Variants in ACVR2A observed in about 807,000 individuals in gnomAD.
ACVR2A encodes activin A receptor type 2A.
ACVR2A carries 7 observed loss-of-function variants against 61.4 expected under a neutral mutation model. That is an observed-to-expected ratio of 0.11 (90% CI 0.06 to 0.21). The LOEUF (loss-of-function observed/expected upper bound fraction) is 0.21. Ranked by LOEUF, ACVR2A falls within the 10% of genes least tolerant of loss-of-function variation. The probability of loss-of-function intolerance (pLI) is 1.00; values close to 1 mark genes in which losing one functional copy is unlikely to be tolerated. For missense variants in ACVR2A, 322 were observed against 621.7 expected, an observed-to-expected ratio of 0.52 and a Z score of 5.13; for synonymous variants, 193 against 208.3, an observed-to-expected ratio of 0.93 and a Z score of 0.63.
chr2:147,891,047 C>CT (rs1436641079), intron 1 of ACVR2A, among the ~76,000 whole-genome samples: 1 of 152,014 alleles, frequency 6.6e-6, no homozygotes. Flanking sequence ...CTTTGTTTAT[C>CT]TTTTTTCTAG....
chr2:147,870,914 C>T (rs1259657626), intron 1 of ACVR2A, among the ~76,000 whole-genome samples: 1 of 151,514 alleles, frequency 6.6e-6, no homozygotes, highest in Non-Finnish European at 1.5e-5. Context: ...TTTAATTAAT[C>T]TTTTTTATTC....
At chr2:147,920,583 TGA>T (rs1687355849) in intron 8 of ACVR2A, among the ~76,000 whole-genome samples, 1 of 152,160 alleles carries the variant, frequency 6.6e-6, no homozygotes, top group Non-Finnish European at 1.5e-5. Context: ...TTTGAAAAAT[TGA>T]TCAAAGAATA....
At chr2:147,891,588 GAAT>G (rs1388658625) in intron 1 of ACVR2A, among the ~76,000 whole-genome samples, 1 of 151,078 alleles carries the variant, frequency 6.6e-6, no homozygotes, top group Admixed American at 6.6e-5. Flanking sequence ...TCCAAAAAAA[GAAT>G]AATATTTTGT....
At chr2:147,890,572 C>G (rs975964479) in intron 1 of ACVR2A, among the ~76,000 whole-genome samples, 1 of 152,092 alleles carries the variant, frequency 6.6e-6, no homozygotes. Context: ...GTACTAAACC[C>G]TGCACGCAAA....
At chr2:147,897,261 G>A (rs1195400228) in intron 2 of ACVR2A, 1 of 152,146 alleles carries the variant, frequency 6.6e-6, no homozygotes, top group Non-Finnish European at 1.5e-5. Flanking sequence ...GCCTACCTCA[G>A]CCTCCCAAAG....
intron 7 of ACVR2A, among the ~76,000 whole-genome samples, chr2:147,919,664 C>T (rs1223196125): frequency 6.6e-6 from 1 of 151,986 alleles, no homozygotes; most frequent in African/African-American, 2.4e-5. Context: ...AAACTGTTAC[C>T]CTTTTCAGAA....
chr2:147,851,006 T>C (rs1433171344), intron 1 of ACVR2A, among the ~76,000 whole-genome samples: 1 of 152,154 alleles, frequency 6.6e-6, no homozygotes, highest in African/African-American at 2.4e-5. Context: ...GTGCTGCCAG[T>C]ATCTAGCTTA....
chr2:147,844,931 C>T (rs1249052831), upstream of ACVR2A: 22 of 475,534 alleles, frequency 4.6e-5, no homozygotes, highest in Non-Finnish European at 7.2e-5. Flanking sequence ...GGCGGTTTTT[C>T]CCCCGTGGTG....
chr2:147,901,017 A>G (rs1686860635), intron 4 of ACVR2A, among the ~76,000 whole-genome samples: 1 of 152,062 alleles, frequency 6.6e-6, no homozygotes, highest in Non-Finnish European at 1.5e-5. Flanking sequence ...AAGGTAAAAT[A>G]CCATGTTCGG....
intron 5 of ACVR2A, among the ~76,000 whole-genome samples, chr2:147,916,949 C>A (rs968455674): frequency 6.6e-6 from 1 of 151,900 alleles, no homozygotes; most frequent in Non-Finnish European, 1.5e-5. Flanking sequence ...CCACAAGTAA[C>A]TTCACACCAT....
chr2:147,911,636 TTTG>T (rs998683804), intron 4 of ACVR2A, among the ~76,000 whole-genome samples: 11 of 152,070 alleles, frequency 7.2e-5, no homozygotes, highest in African/African-American at 2.2e-4. Flanking sequence ...TTCTTAGATT[TTTG>T]TTGTTGTTAC....
chr2:147,915,992 G>A (rs1315366468), intron 5 of ACVR2A, among the ~76,000 whole-genome samples: 2 of 151,828 alleles, frequency 1.3e-5, no homozygotes, highest in Non-Finnish European at 2.9e-5. Context: ...GGCAGCTCAT[G>A]ATACCCTTGG....
Position 147,923,124 on chromosome 2 carries a change from A to C in ACVR2A, c.1216+13A>C, listed in dbSNP as rs756325817. On this transcript the variant is annotated intron_variant, in intron 9 of 10. Transcript: ENST00000241416. ...ACTGCTGCAGATGGTAAGGGAAAAA[A>C]ATATTTTTAAAAAAGATATATATGC... 5.0e-6 allele frequency: 8 copies of C among 1,600,554 alleles called. No individual in the cohort carries two copies. The highest frequency in any genetic ancestry group is 6.8e-6 in the Non-Finnish European group (8 of 1,175,384).
At chr2:147,877,446 C>T (rs1328953178) in intron 1 of ACVR2A, 1 of 152,082 alleles carries the variant, frequency 6.6e-6, no homozygotes, top group African/African-American at 2.4e-5. Flanking sequence ...AGCACATATA[C>T]TAATATCGGA....
intron 1 of ACVR2A, among the ~76,000 whole-genome samples, chr2:147,889,819 A>AT (rs899365184): frequency 2.0e-4 from 30 of 147,544 alleles, no homozygotes; most frequent in Non-Finnish European, 2.7e-4. Context: ...GTGTATTGCT[A>AT]TTTTTTTTTT....
intron 1 of ACVR2A, among the ~76,000 whole-genome samples, chr2:147,850,662 A>G (rs1685419617): frequency 2.2e-5 from 3 of 137,708 alleles, no homozygotes; most frequent in African/African-American, 7.6e-5. Context: ...ATTGATTTCA[A>G]ATTGACTATT....
chr2:147,845,635 A>T (rs1188550535), intron 1 of ACVR2A, among the ~76,000 whole-genome samples: 1 of 152,196 alleles, frequency 6.6e-6, no homozygotes, highest in African/African-American at 2.4e-5. Flanking sequence ...TTAGTGCTTC[A>T]CCGGTGAATA....
intron 4 of ACVR2A, among the ~76,000 whole-genome samples, chr2:147,912,530 C>T (rs1687144041): frequency 6.6e-6 from 1 of 151,768 alleles, no homozygotes; most frequent in East Asian, 1.9e-4. Flanking sequence ...CATTTGTCTT[C>T]CCAGGGGCTC....
At position 147,929,797 on chromosome 2, in the gene ACVR2A, A is replaced by G. The variant is rs958963662; in HGVS notation, c.*2523A>G. On this transcript the variant is annotated 3_prime_UTR_variant, in exon 11 of 11. Transcript: ENST00000241416. Reference sequence around the variant, plus strand: ...TTTGGGGCAAACTGAGACCCCCCAAATAACTCTTTCCTCATGTGTATGGTG... The same window carrying G: ...TTTGGGGCAAACTGAGACCCCCCAAGTAACTCTTTCCTCATGTGTATGGTG... 2.0e-5 allele frequency: 3 copies of G among 152,270 alleles called. No homozygotes were observed. The highest frequency in any genetic ancestry group is 7.3e-5 in the African/African-American group (3 of 41,364). 9.4% of individuals were successfully genotyped at this position (152,270 alleles called of 1,614,324 possible).
Sources: allele counts gnomAD v4.1 joint callset (sites outside exome capture counted in the v4.1 genomes callset), GRCh38; gene constraint gnomAD v4.1.1; transcripts MANE v1.5; gene names NCBI Gene and HGNC (gene_info 2026-07-23, HGNC 2026-07-21).